Variants in LIMS2 observed in about 807,000 individuals in gnomAD.
The protein encoded by LIMS2 is LIM and senescent cell antigen-like-containing domain protein 2.
In LIMS2, 30 loss-of-function variants were observed where a neutral mutation model predicts 45.3. That is an observed-to-expected ratio of 0.66 (90% CI 0.50 to 0.90). The LOEUF is 0.90. LIMS2 is among the 40% of genes least tolerant of loss of function. The pLI, the probability that LIMS2 is intolerant of heterozygous loss-of-function variation, is 0.00. For missense variants in LIMS2, 485 were observed against 468.7 expected, an observed-to-expected ratio of 1.03 and a Z score of -0.32; for synonymous variants, 173 against 188.0, an observed-to-expected ratio of 0.92 and a Z score of 0.65.
At chr2:127,645,309 A>T (rs1682843461) in intron 4 of LIMS2, among the ~76,000 whole-genome samples, 1 of 152,248 alleles carries the variant, frequency 6.6e-6, no homozygotes, top group Admixed American at 6.5e-5. Flanking sequence ...ATGTTTAAAC[A>T]ACAAAATGTA....
At chr2:127,679,995 C>T (rs893628316), upstream of LIMS2, among the ~76,000 whole-genome samples, 2 of 152,228 alleles carry the variant, frequency 1.3e-5, no homozygotes, top group Non-Finnish European at 2.9e-5. The surrounding 1 kb of genome is among the most constrained non-coding windows in gnomAD (Gnocchi z 5.3). Flanking sequence ...CTCTACAAGG[C>T]CTGTGCCCCA....
In LIMS2 at chr2:127,638,508, C is replaced by G. The variant is rs1036987997; in HGVS notation, c.*773G>C. ...GCGCTGGCCGAAGACGAAGCGTCCT[C>G]CCTGGAGGTGGGAACAAGTCACCTC... On this transcript the variant is annotated 3_prime_UTR_variant, in exon 10 of 10. Transcript: ENST00000355119. 4 of 152,696 alleles carry G rather than the reference C, an allele frequency of 2.6e-5. No homozygotes were observed. The highest frequency in any genetic ancestry group is 9.6e-5 in the African/African-American group (4 of 41,456). The allele number at this position is 152,696 out of a possible 1,614,324, so 9.5% of individuals were successfully genotyped here. A position where few individuals can be genotyped will look rare whatever the true frequency, so the allele number is the denominator to read the frequency against.
chr2:127,664,339 C>T lies in LIMS2; in HGVS notation c.12-6777G>A, dbSNP rs1684874074. ...TGGCGGCGGGCTCTGCCGGTGCTGGCGCCGCCGGTACAGCCCCGACGCGGC... is the reference window on the plus strand; with the variant it reads ...TGGCGGCGGGCTCTGCCGGTGCTGGTGCCGCCGGTACAGCCCCGACGCGGC... On this transcript the variant is annotated intron_variant, in intron 1 of 9. Transcript: ENST00000355119. The surrounding 1 kb of genome is among the most constrained non-coding windows in gnomAD (Gnocchi z 5.5). 3 of 1,228,780 alleles carry T rather than the reference C, an allele frequency of 2.4e-6. No individual in the cohort carries two copies. Among genetic ancestry groups the T allele is most frequent in the Admixed American group, 4.3e-5 (1 of 23,526 alleles). 76.1% of individuals were successfully genotyped at this position (1,228,780 alleles called of 1,614,324 possible). A position where few individuals can be genotyped will look rare whatever the true frequency, so the allele number is the denominator to read the frequency against.
At chr2:127,652,181 C>T (rs535472256) in intron 4 of LIMS2, 54 of 225,052 alleles carry the variant, frequency 2.4e-4, no homozygotes, top group Admixed American at 1.6e-3. Context: ...CTGGTGGGGA[C>T]GGGGAGGGAG....
intron 4 of LIMS2, chr2:127,651,504 G>A (rs61744651): frequency 8.6e-4 from 1,389 of 1,612,668 alleles, no homozygotes; most frequent in African/African-American, 1.9e-3. Flanking sequence ...CAACCGCTCC[G>A]TCTACGTGCT....
Position 127,651,269 on chromosome 2 carries a change from G to A in LIMS2, c.359+3155C>T, listed in dbSNP as rs6708099. On this transcript the variant is annotated intron_variant, in intron 4 of 9. Coordinates refer to ENST00000355119, the MANE Select transcript of LIMS2 (RefSeq NM_001161403.3). ...CACAGACCGTGCAGACCAACCACACGGTGGTCTGCCTGCAGCTGTACCGGG... is the reference window on the plus strand; with the variant it reads ...CACAGACCGTGCAGACCAACCACACAGTGGTCTGCCTGCAGCTGTACCGGG... 4.0e-3 allele frequency: 6,469 copies of A among 1,606,540 alleles called. 213 individuals are homozygous for A. The African/African-American group carries it at 0.072, about 18-fold the overall frequency.
upstream of LIMS2, among the ~76,000 whole-genome samples, chr2:127,680,316 G>C (rs1287932141): frequency 6.6e-6 from 1 of 152,260 alleles, no homozygotes; most frequent in African/African-American, 2.4e-5. Flanking sequence ...AGCTGGGCAC[G>C]ATGGTGCATG....
intron 4 of LIMS2, chr2:127,651,294 G>A (rs934029152): frequency 3.7e-6 from 6 of 1,608,278 alleles, no homozygotes; most frequent in Middle Eastern, 1.6e-4. Context: ...GCTGTACCGG[G>A]AGAAGGCCTC....
rs184416888 is a variant in LIMS2, at chr2:127,658,844, A to T, written c.12-1282T>A. ...TGCCTGGTTGCAGCCGGGTGGTGGC[A>T]GGACTCGAGTGCAGTGCCTTTGGGA... is the stretch of plus-strand genomic sequence containing the variant. On this transcript the variant is annotated intron_variant, in intron 1 of 9. Transcript: ENST00000355119. Among the ~76,000 whole-genome samples, 34 of 152,334 alleles carry T rather than the reference A, an allele frequency of 2.2e-4. No individual in the cohort carries two copies. In the East Asian group the frequency reaches 6.4e-3, roughly 29 times the overall value.
intron 1 of LIMS2, among the ~76,000 whole-genome samples, chr2:127,660,669 C>T (rs1684575783): frequency 6.6e-6 from 1 of 151,086 alleles, no homozygotes; most frequent in African/African-American, 2.5e-5. Context: ...AGAACTGTAA[C>T]ACTCACCGTG....
At chr2:127,674,683 C>T (rs1017853251) in intron 1 of LIMS2, 1 of 985,346 alleles carries the variant, frequency 1.0e-6, no homozygotes, top group East Asian at 1.1e-4. Flanking sequence ...ACCTTTGAAC[C>T]TTTTGCCCGT....
In LIMS2 at chr2:127,648,529, G is replaced by A. The variant is rs147066126; in HGVS notation, c.360-5457C>T. ...GATGGCTCCAGCCTCCTCCTCGAGG[G>A]GCTGCTGTGTCCATGAACAGTCACC... On this transcript the variant is annotated intron_variant, in intron 4 of 9. Transcript: ENST00000355119. Among the ~76,000 whole-genome samples, 898 of 152,162 alleles carry A rather than the reference G, an allele frequency of 5.9e-3. 7 individuals carry two copies. Among genetic ancestry groups the A allele is most frequent in the Non-Finnish European group, 9.4e-3 (637 of 67,978 alleles).
At chr2:127,651,711 G>A (rs1209788336) in intron 4 of LIMS2, 4 of 1,613,078 alleles carry the variant, frequency 2.5e-6, no homozygotes, top group Non-Finnish European at 3.4e-6. Context: ...CAGCTTCGAA[G>A]GGAAAACCAA....
chr2:127,677,415 G>A (rs1320646427), upstream of LIMS2, among the ~76,000 whole-genome samples: 3 of 152,176 alleles, frequency 2.0e-5, no homozygotes, highest in African/African-American at 4.8e-5. The surrounding 1 kb of genome is among the most constrained non-coding windows in gnomAD (Gnocchi z 5.0). Flanking sequence ...TTAGAGTGAA[G>A]GGTGAGGGAA....
In LIMS2 at chr2:127,675,116, C is replaced by G. The variant is rs1573855373; in HGVS notation, c.-92G>C. 1 of 1,062,700 alleles carries G rather than the reference C, an allele frequency of 9.4e-7. No homozygotes were observed. Among genetic ancestry groups the G allele is most frequent in the East Asian group, 4.9e-5 (1 of 20,362 alleles). 65.8% of individuals were successfully genotyped at this position (1,062,700 alleles called of 1,614,324 possible). On this transcript the variant is annotated 5_prime_UTR_variant, in exon 1 of 10. Coordinates refer to ENST00000355119, the MANE Select transcript of LIMS2 (RefSeq NM_001161403.3). ...CCAGCCGAGCGCCCGCCCGCCAGCCCGGGCCGCGGAGCAGGGAGACGCCCA... is the reference window on the plus strand; with the variant it reads ...CCAGCCGAGCGCCCGCCCGCCAGCCGGGGCCGCGGAGCAGGGAGACGCCCA...
rs777559574 is a variant in LIMS2, at chr2:127,640,909, G to A, written c.740C>T (p.Thr247Ile). The A allele has an allele frequency of 5.6e-6, 9 of 1,613,672 alleles. No individual in the cohort carries two copies. The South Asian group carries it at 7.7e-5, about 14-fold the overall frequency. Reference protein sequence around the residue: ...YEKKGLAYCETHYNQLFGDVC... With the variant: ...YEKKGLAYCEIHYNQLFGDVC... Reference sequence around the variant, plus strand: ...CACCGGGCTCACCTGGTTGTAGTGAGTCTCGCAGTAGGCCAGGCCCTTCTT... The same window carrying A: ...CACCGGGCTCACCTGGTTGTAGTGAATCTCGCAGTAGGCCAGGCCCTTCTT... Residue 247 changes from threonine to isoleucine, a missense_variant, in exon 7 of 10, where the codon ACT (threonine) becomes ATT (isoleucine). Physicochemically the swap from Thr to Ile is moderately conservative, Grantham distance 89. Coordinates refer to ENST00000355119, the MANE Select transcript of LIMS2 (RefSeq NM_001161403.3).
At chr2:127,663,225 C>G (rs1468627271) in intron 1 of LIMS2, among the ~76,000 whole-genome samples, 5 of 152,156 alleles carry the variant, frequency 3.3e-5, no homozygotes, top group Non-Finnish European at 7.4e-5. Flanking sequence ...CCAGGGCTGT[C>G]CAGAGGTTGA....
chr2:127,641,962 A>G, intron 6 of LIMS2, 87 bp downstream of exon 6: 2 of 1,437,716 alleles, frequency 1.4e-6, no homozygotes, highest in Admixed American at 4.4e-5. Flanking sequence ...CTGGGCTGGG[A>G]GTGTGGAGGA....
chr2:127,669,530 A>G (rs538390040), intron 1 of LIMS2, among the ~76,000 whole-genome samples: 13 of 152,210 alleles, frequency 8.5e-5, no homozygotes, highest in African/African-American at 3.1e-4. Context: ...CCTGGCCAAC[A>G]TGGTGAAACC....
Sources: gnomAD v4.1 joint callset for allele counts (sites outside exome capture counted in the v4.1 genomes callset) on GRCh38, gnomAD v4.1.1 for gene constraint, Gnocchi (gnomAD v3.1) non-coding constraint, MANE v1.5 for transcripts, NCBI Gene and HGNC (gene_info 2026-07-23, HGNC 2026-07-21) for gene names.